LEPR: variants seen among roughly 807,000 people sequenced by gnomAD.
LEPR encodes OB receptor.
In LEPR, 56 loss-of-function variants were observed where a neutral mutation model predicts 114.7. That is an observed-to-expected ratio of 0.49 (90% CI 0.39 to 0.61). LEPR has a LOEUF of 0.61. Ranked by LOEUF, LEPR falls within the 20% of genes least tolerant of loss-of-function variation. The pLI is 0.00. For synonymous variants in LEPR, 443 were observed against 461.4 expected (o/e 0.96, Z 0.51); for missense variants, 1,202 against 1,352.9 (o/e 0.89, Z 1.75).
intron 2 of LEPR, among the ~76,000 whole-genome samples, chr1:65,453,144 A>T (rs1646812496): frequency 6.6e-6 from 1 of 151,430 alleles, no homozygotes; most frequent in Non-Finnish European, 1.5e-5. Flanking sequence ...ATCATTTTTT[A>T]TTGCGTCTAT....
intron 2 of LEPR, among the ~76,000 whole-genome samples, chr1:65,514,497 T>A (rs1270528258): frequency 6.6e-6 from 1 of 152,260 alleles, no homozygotes; most frequent in African/African-American, 2.4e-5. Flanking sequence ...GTAGATAAAT[T>A]AGAAAAGTAA....
At chr1:65,447,921 G>A (rs1329906521) in intron 2 of LEPR, among the ~76,000 whole-genome samples, 1 of 152,118 alleles carries the variant, frequency 6.6e-6, no homozygotes, top group South Asian at 2.1e-4. Flanking sequence ...GGAGTCTGTT[G>A]TTTATTCTTT....
chr1:65,582,498 C>A (rs978457359), intron 5 of LEPR, among the ~76,000 whole-genome samples: 1 of 152,138 alleles, frequency 6.6e-6, no homozygotes, highest in African/African-American at 2.4e-5. Context: ...GGACAGCCTG[C>A]ACCATTGCAG....
chr1:65,516,324 A>G (rs1649282459), intron 2 of LEPR, among the ~76,000 whole-genome samples: 1 of 152,136 alleles, frequency 6.6e-6, no homozygotes, highest in African/African-American at 2.4e-5. Context: ...CACACCTGTA[A>G]TCCCAGCTAC....
chr1:65,608,367 A>G (rs1252886792), intron 11 of LEPR, among the ~76,000 whole-genome samples: 2 of 151,858 alleles, frequency 1.3e-5, no homozygotes, highest in Admixed American at 1.3e-4. Context: ...AGTAGCTGGG[A>G]CTACAGGCGC....
intron 2 of LEPR, among the ~76,000 whole-genome samples, chr1:65,458,168 A>G (rs1225199966): frequency 6.6e-6 from 1 of 152,212 alleles, no homozygotes. Context: ...GGGACAAATT[A>G]TGGTAATAGT....
intron 2 of LEPR, among the ~76,000 whole-genome samples, chr1:65,471,999 C>T (rs1647089792): frequency 6.6e-6 from 1 of 152,086 alleles, no homozygotes; most frequent in Non-Finnish European, 1.5e-5. Context: ...AAAACACTTC[C>T]CCAAGGCTTA....
intron 2 of LEPR, among the ~76,000 whole-genome samples, chr1:65,452,958 C>T (rs1646808487): frequency 6.6e-6 from 1 of 152,156 alleles, no homozygotes; most frequent in South Asian, 2.1e-4. Context: ...AATTTCAGAT[C>T]CTGTTATTGG....
At chr1:65,443,473 A>G (rs1300366357) in intron 2 of LEPR, among the ~76,000 whole-genome samples, 1 of 151,012 alleles carries the variant, frequency 6.6e-6, no homozygotes, top group Non-Finnish European at 1.5e-5. Flanking sequence ...ATACACATCT[A>G]TATCTGATGT....
At chr1:65,519,797 T>C (rs1649537173) in intron 2 of LEPR, among the ~76,000 whole-genome samples, 1 of 151,972 alleles carries the variant, frequency 6.6e-6, no homozygotes, top group South Asian at 2.1e-4. Flanking sequence ...GCCTCCCAAA[T>C]AGCTAAAATT....
intron 2 of LEPR, among the ~76,000 whole-genome samples, chr1:65,465,157 C>T (rs1198409634): frequency 1.3e-5 from 2 of 152,128 alleles, no homozygotes; most frequent in African/African-American, 4.8e-5. Context: ...CTCTTGTGGG[C>T]AGTTAGTGCT....
intron 2 of LEPR, among the ~76,000 whole-genome samples, chr1:65,494,411 T>C (rs1345082164): frequency 6.6e-6 from 1 of 152,124 alleles, no homozygotes; most frequent in Non-Finnish European, 1.5e-5. Context: ...ACGTCTCTTA[T>C]AGTCACCTCT....
intron 2 of LEPR, among the ~76,000 whole-genome samples, 156 bp downstream of exon 2, chr1:65,425,534 C>CT (rs2101681452): frequency 6.6e-6 from 1 of 152,300 alleles, no homozygotes; most frequent in Non-Finnish European, 1.5e-5. Context: ...GTCAGGTGTA[C>CT]TTTTGCAGAG....
At chr1:65,464,312 T>G (rs1486250541) in intron 2 of LEPR, among the ~76,000 whole-genome samples, 1 of 152,226 alleles carries the variant, frequency 6.6e-6, no homozygotes, top group Non-Finnish European at 1.5e-5. Context: ...GTCCTGTTGA[T>G]GTGATGGATT....
chr1:65,568,901 T>C (rs1653960780), intron 3 of LEPR, among the ~76,000 whole-genome samples: 1 of 152,246 alleles, frequency 6.6e-6, no homozygotes, highest in African/African-American at 2.4e-5. Flanking sequence ...ATTGTAGTTT[T>C]AATTTGCATT....
chr1:65,579,086 GT>G (rs1654800503), intron 5 of LEPR, among the ~76,000 whole-genome samples: 1 of 152,164 alleles, frequency 6.6e-6, no homozygotes, highest in African/African-American at 2.4e-5. Context: ...TGTCTCAGAT[GT>G]AGTTATCTAG....
In LEPR at chr1:65,633,027, A is replaced by T; in HGVS notation, c.2674-3164A>T. 1 of 778,730 alleles carries T rather than the reference A, an allele frequency of 1.3e-6. No homozygotes were observed. The highest frequency in any genetic ancestry group is 2.1e-6 in the Non-Finnish European group (1 of 484,690). 48.2% of individuals were successfully genotyped at this position (778,730 alleles called of 1,614,324 possible). A position where few individuals can be genotyped will look rare whatever the true frequency, so the allele number is the denominator to read the frequency against. ...CTTTCCCAAAAGGATGCATTATTGT[A>T]ACCTAACACAAAAATTTATAGTCCA... On this transcript the variant is annotated intron_variant, in intron 19 of 19. Transcript: ENST00000349533. The surrounding 1 kb of genome is among the most constrained non-coding windows in gnomAD (Gnocchi z 4.1).
At chr1:65,511,429 TACACACACACACACACAC>T (rs5774756) in intron 2 of LEPR, among the ~76,000 whole-genome samples, 128 of 147,702 alleles carry the variant, frequency 8.7e-4, no homozygotes, top group African/African-American at 1.2e-3. Flanking sequence ...TATATATGTA[TACACACACACACACACAC>T]ACACACACAC....
At position 65,596,422 on chromosome 1, in the gene LEPR, A is replaced by G. The variant is rs112799921; in HGVS notation, c.704-26A>G. The G allele has an allele frequency of 2.4e-3, 3,829 of 1,611,470 alleles. 79 individuals carry two copies. In the African/African-American group the frequency reaches 0.045, roughly 19 times the overall value. Reference sequence around the variant, plus strand: ...ATTGTCATGAAAATTACTTGACTTAAAAGTATTCTCTTTTTTTTCCTTAAG... The same window carrying G: ...ATTGTCATGAAAATTACTTGACTTAGAAGTATTCTCTTTTTTTTCCTTAAG... On this transcript the variant is annotated intron_variant, in intron 6 of 19. Coordinates refer to ENST00000349533, the MANE Select transcript of LEPR (RefSeq NM_002303.6).
Sources: allele counts gnomAD v4.1 joint callset (sites outside exome capture counted in the v4.1 genomes callset), GRCh38; gene constraint gnomAD v4.1.1; non-coding constraint Gnocchi (gnomAD v3.1); transcripts MANE v1.5; gene names NCBI Gene and HGNC (gene_info 2026-07-23, HGNC 2026-07-21).